ZSCAN21: variants seen among roughly 807,000 people sequenced by gnomAD.
ZSCAN21 encodes the protein zinc finger and SCAN domain-containing protein 21.
Under a neutral mutation model 35.6 loss-of-function variants are expected in ZSCAN21, and 26 were observed. That is an observed-to-expected ratio of 0.73 (90% CI 0.54 to 1.01). The LOEUF (loss-of-function observed/expected upper bound fraction) is 1.01. ZSCAN21 is among the 50% of genes least tolerant of loss of function. The pLI is 0.00. For synonymous variants in ZSCAN21, 219 were observed against 219.3 expected, an observed-to-expected ratio of 1.00 and a Z score of 0.01; for missense variants, 593 against 587.1, an observed-to-expected ratio of 1.01 and a Z score of -0.10.
At position 100,057,815 on chromosome 7, in the gene ZSCAN21, G is replaced by A. The variant is rs777960847; in HGVS notation, c.517G>A (p.Glu173Lys). 4.3e-6 allele frequency: 7 copies of A among 1,613,954 alleles called. No homozygotes were observed. Among genetic ancestry groups the A allele is most frequent in the East Asian group, 4.5e-5 (2 of 44,896 alleles). Residue 173 changes from glutamate to lysine, a missense_variant, in exon 3 of 4, where the codon GAG becomes AAG. Transcript: ENST00000292450. ...PQPLETSHKY[E>K]SWGPLYIQES... ...GCCCTTGGAGACCAGTCACAAATAC[G>A]AGTCTTGGGGGCCCCTGTACATCCA...
intron 1 of ZSCAN21, among the ~76,000 whole-genome samples, chr7:100,056,187 C>T (rs1011742522): frequency 1.3e-5 from 2 of 151,978 alleles, no homozygotes; most frequent in Non-Finnish European, 2.9e-5. Context: ...GATCCGCCCA[C>T]CTCAGCACCT....
chr7:100,050,881 G>A (rs1193824114), intron 1 of ZSCAN21, among the ~76,000 whole-genome samples: 2 of 151,382 alleles, frequency 1.3e-5, no homozygotes, highest in Admixed American at 6.6e-5. Context: ...GAAATGATGC[G>A]GAATTTGATT....
chr7:100,063,955 C>T lies in ZSCAN21; in HGVS notation c.760C>T (p.Leu254Phe). 1 of 1,614,182 alleles carries T rather than the reference C, an allele frequency of 6.2e-7. No individual in the cohort carries two copies. Among genetic ancestry groups the T allele is most frequent in the South Asian group, 1.1e-5 (1 of 91,088 alleles). Residue 254 changes from leucine (L) to phenylalanine (F), a missense_variant, in exon 4 of 4, where the codon CTT becomes TTT. Transcript: ENST00000292450. ...AAATGAAAAAGGAACAAAACCCCCTCTTCAAGAGGCAGGCTCCAAGAAAGG... is the reference window on the plus strand; with the variant it reads ...AAATGAAAAAGGAACAAAACCCCCTTTTCAAGAGGCAGGCTCCAAGAAAGG... ...LENEKGTKPP[L>F]QEAGSKKGRE...
chr7:100,056,593 T>C (rs1293113241), intron 1 of ZSCAN21, among the ~76,000 whole-genome samples: 1 of 151,994 alleles, frequency 6.6e-6, no homozygotes, highest in Non-Finnish European at 1.5e-5. Context: ...GCCTCCCAGG[T>C]AGCTGGGATT....
At chr7:100,060,178 TAGAA>T (rs1792230171) in intron 3 of ZSCAN21, among the ~76,000 whole-genome samples, 1 of 152,196 alleles carries the variant, frequency 6.6e-6, no homozygotes, top group African/African-American at 2.4e-5. Context: ...AAATGCTACT[TAGAA>T]AGATCAAGGT....
intron 2 of ZSCAN21, 47 bp downstream of exon 2, chr7:100,057,452 A>C: frequency 6.6e-7 from 1 of 1,505,532 alleles, no homozygotes; most frequent in Non-Finnish European, 8.8e-7. Context: ...GGAGCGTAAC[A>C]TTCTAGGCAG....
intron 3 of ZSCAN21, among the ~76,000 whole-genome samples, chr7:100,063,475 G>T (rs927019376): frequency 6.6e-6 from 1 of 152,098 alleles, no homozygotes; most frequent in African/African-American, 2.4e-5. Flanking sequence ...GGTGGCACGT[G>T]CCTGTAATTC....
At position 100,064,109 on chromosome 7, in the gene ZSCAN21, A is replaced by G. The variant is rs746719758; in HGVS notation, c.914A>G (p.Tyr305Cys). 6.2e-7 allele frequency: 1 copy of G among 1,614,180 alleles called. No individual in the cohort carries two copies. Among genetic ancestry groups the G allele is most frequent in the Non-Finnish European group, 8.5e-7 (1 of 1,180,038 alleles). The change falls in exon 4 of 4, where the codon TAC becomes TGC. Residue 305 changes from tyrosine to cysteine, a missense_variant. Physicochemically the swap from Tyr to Cys is radical, Grantham distance 194. Transcript: ENST00000292450. ...AGAACACACACTGGGGAGAAACCTT[A>G]CGTGTGCACCAAGTGTGGGAAAGCT... ...HRRTHTGEKPYVCTKCGKAFS... is the reference protein window; with the variant it reads ...HRRTHTGEKPCVCTKCGKAFS...
intron 3 of ZSCAN21, among the ~76,000 whole-genome samples, chr7:100,061,015 G>C (rs1217250872): frequency 6.6e-6 from 1 of 151,456 alleles, no homozygotes; most frequent in Non-Finnish European, 1.5e-5. Context: ...GCAGTGACCT[G>C]AGATTGCACC....
chr7:100,059,179 A>G (rs1203225671), intron 3 of ZSCAN21, among the ~76,000 whole-genome samples: 1 of 152,220 alleles, frequency 6.6e-6, no homozygotes, highest in African/African-American at 2.4e-5. Flanking sequence ...CTGAAACGTG[A>G]AACTCCATCA....
At chr7:100,059,245 T>A (rs900419756) in intron 3 of ZSCAN21, among the ~76,000 whole-genome samples, 3 of 152,216 alleles carry the variant, frequency 2.0e-5, no homozygotes, top group African/African-American at 7.2e-5. Context: ...AAGTAAAAAA[T>A]TAAACTGTTA....
At chr7:100,058,963 C>T (rs1276739257) in intron 3 of ZSCAN21, among the ~76,000 whole-genome samples, 1 of 152,190 alleles carries the variant, frequency 6.6e-6, no homozygotes, top group Non-Finnish European at 1.5e-5. Context: ...CCTTCATTTA[C>T]CAGAAGGATT....
Position 100,057,197 on chromosome 7 carries a change from G to A in ZSCAN21, c.191G>A (p.Ser64Asn). The A allele has an allele frequency of 6.2e-7, 1 of 1,613,788 alleles. No individual in the cohort carries two copies. The highest frequency in any genetic ancestry group is 8.5e-7 in the Non-Finnish European group (1 of 1,179,998). The change falls in exon 2 of 4, where the codon AGC becomes AAC. Residue 64 changes from serine (S) to asparagine (N), a missense_variant. By Grantham distance (46) the Ser-to-Asn change is conservative (BLOSUM62 1). Coordinates refer to ENST00000292450, the MANE Select transcript of ZSCAN21 (RefSeq NM_145914.3). Reference sequence around the variant, plus strand: ...ACCCCTGGACCCCGAGAGGCCCTGAGCCAACTCCGGGTGCTCTGCTGTGAG... The same window carrying A: ...ACCCCTGGACCCCGAGAGGCCCTGAACCAACTCCGGGTGCTCTGCTGTGAG... ...HDTPGPREAL[S>N]QLRVLCCEWL... is the part of the protein sequence containing the mutation.
At position 100,064,135 on chromosome 7, in the gene ZSCAN21, T is replaced by A; in HGVS notation, c.940T>A (p.Phe314Ile). The change falls in exon 4 of 4, where the codon TTC becomes ATC. Residue 314 changes from phenylalanine to isoleucine, a missense_variant. Transcript: ENST00000292450. ...PYVCTKCGKA[F>I]SHSSNLTLHY... ...CGTGTGCACCAAGTGTGGGAAAGCT[T>A]TCAGCCACAGCTCAAACCTCACCCT... 3.7e-6 allele frequency: 6 copies of A among 1,614,046 alleles called. No homozygotes were observed. Among genetic ancestry groups the A allele is most frequent in the Non-Finnish European group, 5.1e-6 (6 of 1,180,018 alleles).
chr7:100,050,971 C>T (rs1259078665), intron 1 of ZSCAN21, among the ~76,000 whole-genome samples: 1 of 151,432 alleles, frequency 6.6e-6, no homozygotes, highest in African/African-American at 2.4e-5. Flanking sequence ...GCGAGTGCAT[C>T]ACCTGAGGTC....
chr7:100,057,458 G>A, intron 2 of ZSCAN21, 53 bp downstream of exon 2: 2 of 1,503,416 alleles, frequency 1.3e-6, no homozygotes, highest in Non-Finnish European at 1.8e-6. Flanking sequence ...TAACATTCTA[G>A]GCAGGAACAA....
At position 100,065,012 on chromosome 7, in the gene ZSCAN21, A is replaced by G; in HGVS notation, c.*395A>G. On this transcript the variant is annotated 3_prime_UTR_variant, in exon 4 of 4. Transcript: ENST00000292450. Reference sequence around the variant, plus strand: ...GCCACATTGAACACAATTGAATGAGATTCAGAATAAACTTATAACATCTTG... The same window carrying G: ...GCCACATTGAACACAATTGAATGAGGTTCAGAATAAACTTATAACATCTTG... The G allele has an allele frequency of 6.8e-7, 1 of 1,463,052 alleles. No homozygotes were observed. The highest frequency in any genetic ancestry group is 9.3e-7 in the Non-Finnish European group (1 of 1,069,612). 90.6% of individuals were successfully genotyped at this position (1,463,052 alleles called of 1,614,324 possible).
chr7:100,057,740 A>G lies in ZSCAN21; in HGVS notation c.442A>G (p.Ile148Val). ...PNEQKPVWEK[I>V]SSSGTAKESP... ...CGAACAGAAACCGGTGTGGGAGAAG[A>G]TATCCTCCTCAGGAACTGCAAAGGA... The change falls in exon 3 of 4, where the codon ATA becomes GTA. Residue 148 changes from isoleucine (I) to valine (V), a missense_variant. Transcript: ENST00000292450. 6.2e-7 allele frequency: 1 copy of G among 1,613,822 alleles called. No homozygotes were observed. The highest frequency in any genetic ancestry group is 2.2e-5 in the East Asian group (1 of 44,878).
At chr7:100,055,550 C>A (rs1442022709) in intron 1 of ZSCAN21, among the ~76,000 whole-genome samples, 2 of 151,876 alleles carry the variant, frequency 1.3e-5, no homozygotes, top group African/African-American at 4.8e-5. Flanking sequence ...CTGCGCCCGA[C>A]CTCAGTTATT....
Sources: allele counts gnomAD v4.1 joint callset (sites outside exome capture counted in the v4.1 genomes callset), GRCh38; gene constraint gnomAD v4.1.1; transcripts MANE v1.5; gene names NCBI Gene and HGNC (gene_info 2026-07-23, HGNC 2026-07-21).